OR56A3: variants seen among roughly 807,000 people sequenced by gnomAD.
OR56A3 encodes the protein olfactory receptor 56A3.
A neutral mutation model predicts 17.5 loss-of-function variants in OR56A3; 23 were observed. The observed-to-expected ratio is 1.32, with a 90% CI of 0.95 to 1.87. OR56A3 has a LOEUF of 1.87. OR56A3 is among the 40% of genes most tolerant of loss of function. OR56A3 has a pLI of 0.00. For missense variants in OR56A3, 366 were observed against 380.1 expected, an observed-to-expected ratio of 0.96 and a Z score of 0.31; for synonymous variants, 175 against 150.6, an observed-to-expected ratio of 1.16 and a Z score of -1.19.
At chr11:6,018,172 A>G in the OR56A3 span, among the ~76,000 whole-genome samples, 4 of 152,104 alleles carry the variant, frequency 2.6e-5, no homozygotes, top group South Asian at 4.1e-4. Context: ...AACTCTCAGC[A>G]TTAGGCAGAT....
the OR56A3 span, among the ~76,000 whole-genome samples, chr11:5,963,459 G>T: frequency 6.6e-6 from 1 of 151,436 alleles, no homozygotes; most frequent in Non-Finnish European, 1.5e-5. Flanking sequence ...ATTCCTGGTT[G>T]GCAGATTTTT....
chr11:6,009,345 A>C, the OR56A3 span, among the ~76,000 whole-genome samples: 103,238 of 151,966 alleles, frequency 0.68, 35,374 homozygotes, highest in East Asian at 0.93. Context: ...TCAGTTTTTA[A>C]CTGCTCCAAA....
Position 5,950,151 on chromosome 11 carries a change from A to G in OR56A3, c.*1857A>G, listed in dbSNP as rs140172750. ...TTAAAAATCTGAAAGTTTTAACAAT[A>G]TGCTATATTAACATATACTTATCAA... On this transcript the variant is annotated 3_prime_UTR_variant, in exon 3 of 3. Coordinates refer to ENST00000641160, the MANE Select transcript of OR56A3 (RefSeq NM_001003443.3). 1 of 152,216 alleles carries G rather than the reference A, an allele frequency of 6.6e-6. No individual in the cohort carries two copies. Among genetic ancestry groups the G allele is most frequent in the Non-Finnish European group, 1.5e-5 (1 of 68,018 alleles). The allele number at this position is 152,216 out of a possible 1,614,324, so 9.4% of individuals were successfully genotyped here. A position where few individuals can be genotyped will look rare whatever the true frequency, so the allele number is the denominator to read the frequency against.
chr11:5,948,349 A>G lies in OR56A3; in HGVS notation c.*55A>G, dbSNP rs369068476. 2 of 1,222,336 alleles carry G rather than the reference A, an allele frequency of 1.6e-6. No individual in the cohort carries two copies. The highest frequency in any genetic ancestry group is 2.0e-5 in the Admixed American group (1 of 49,960). The allele number at this position is 1,222,336 out of a possible 1,614,324, so 75.7% of individuals were successfully genotyped here. On this transcript the variant is annotated 3_prime_UTR_variant, in exon 3 of 3. Transcript: ENST00000641160. ...AATAAGATAATTTATTAATCACTTA[A>G]TGAGTGAGTGGGCTGAAATTCATAT...
chr11:5,974,530 G>C, the OR56A3 span, among the ~76,000 whole-genome samples: 1 of 152,166 alleles, frequency 6.6e-6, no homozygotes, highest in East Asian at 1.9e-4. Context: ...TGAGATGCTA[G>C]GATTCGGTTA....
At chr11:6,002,551 C>T in the OR56A3 span, 18 of 1,614,198 alleles carry the variant, frequency 1.1e-5, no homozygotes, top group Middle Eastern at 4.9e-4. Flanking sequence ...ACAAAGACCA[C>T]GGCCCTAGCC....
At chr11:5,945,451 G>A (rs1213137036) in intron 2 of OR56A3, among the ~76,000 whole-genome samples, 2 of 151,830 alleles carry the variant, frequency 1.3e-5, no homozygotes, top group East Asian at 1.9e-4. Flanking sequence ...GTGTGGTGGC[G>A]TGTGCCTGTA....
At chr11:5,972,890 C>T in the OR56A3 span, among the ~76,000 whole-genome samples, 2 of 152,314 alleles carry the variant, frequency 1.3e-5, no homozygotes, top group South Asian at 2.1e-4. Flanking sequence ...AGCCACCGTG[C>T]CCGGCAGGGA....
At chr11:6,009,980 T>A in the OR56A3 span, among the ~76,000 whole-genome samples, 30,407 of 152,042 alleles carry the variant, frequency 0.2, 3,261 homozygotes, top group African/African-American at 0.26. Flanking sequence ...ATTTTATCAG[T>A]TCTCAACTAA....
At chr11:5,971,877 A>G in the OR56A3 span, among the ~76,000 whole-genome samples, 1 of 152,250 alleles carries the variant, frequency 6.6e-6, no homozygotes. Flanking sequence ...AGATACTAAA[A>G]GCTCATTACA....
the OR56A3 span, chr11:6,000,177 G>T: frequency 6.6e-6 from 1 of 152,242 alleles, no homozygotes; most frequent in South Asian, 2.1e-4. Flanking sequence ...TGTTTATTGC[G>T]GCACCATTCA....
At chr11:5,966,663 A>C in the OR56A3 span, among the ~76,000 whole-genome samples, 71 of 152,262 alleles carry the variant, frequency 4.7e-4, no homozygotes, top group African/African-American at 1.7e-3. Context: ...ACTAATTCAG[A>C]TGTCTGGATC....
the OR56A3 span, among the ~76,000 whole-genome samples, chr11:5,998,734 A>T: frequency 3.9e-5 from 6 of 152,338 alleles, no homozygotes; most frequent in East Asian, 1.2e-3. Flanking sequence ...TTTTATAGGT[A>T]AACTGAGAGT....
the OR56A3 span, among the ~76,000 whole-genome samples, chr11:5,992,039 G>A: frequency 1.3e-5 from 2 of 152,200 alleles, no homozygotes; most frequent in Non-Finnish European, 2.9e-5. Context: ...GTCATTACCT[G>A]TAAGCCTGTA....
chr11:6,007,604 G>A, the OR56A3 span, among the ~76,000 whole-genome samples: 1 of 151,532 alleles, frequency 6.6e-6, no homozygotes, highest in Non-Finnish European at 1.5e-5. Context: ...AGGAAAGATA[G>A]GAAGAAAGGA....
chr11:5,997,839 C>T, the OR56A3 span, among the ~76,000 whole-genome samples: 1 of 152,122 alleles, frequency 6.6e-6, no homozygotes, highest in Non-Finnish European at 1.5e-5. Context: ...TAAAGCCTAA[C>T]ATATTACAGA....
the OR56A3 span, among the ~76,000 whole-genome samples, chr11:5,978,959 C>A: frequency 6.6e-6 from 1 of 152,108 alleles, no homozygotes; most frequent in Non-Finnish European, 1.5e-5. Flanking sequence ...ACTTTTCTGT[C>A]TATTGAGATG....
chr11:5,965,210 C>T, the OR56A3 span, among the ~76,000 whole-genome samples: 1 of 152,032 alleles, frequency 6.6e-6, no homozygotes, highest in African/African-American at 2.4e-5. Context: ...AATTAGTCTC[C>T]ACATGTAAGT....
chr11:5,954,633 A>G (rs1847923907), downstream of OR56A3, among the ~76,000 whole-genome samples: 1 of 152,230 alleles, frequency 6.6e-6, no homozygotes, highest in Non-Finnish European at 1.5e-5. Context: ...TTGCAAGAAT[A>G]TTAATTCTTA....
Sources: gnomAD v4.1 joint callset for allele counts (sites outside exome capture counted in the v4.1 genomes callset) on GRCh38, gnomAD v4.1.1 for gene constraint, MANE v1.5 for transcripts, NCBI Gene and HGNC (gene_info 2026-07-23, HGNC 2026-07-21) for gene names.